ZFHX3: variants seen among roughly 807,000 people sequenced by gnomAD.
ZFHX3 encodes the protein zinc finger homeobox protein 3.
A neutral mutation model predicts 279.1 loss-of-function variants in ZFHX3; 42 were observed. That is an observed-to-expected ratio of 0.15 (90% CI 0.12 to 0.19). The LOEUF (loss-of-function observed/expected upper bound fraction) is 0.19, where lower values mean the gene tolerates loss of function less well. Among genes scored for constraint, ZFHX3 ranks in the 10% least tolerant of loss-of-function variants. The pLI is 1.00. For missense variants in ZFHX3, 4,981 were observed against 4,754.0 expected, an observed-to-expected ratio of 1.05 and a Z score of -1.40; for synonymous variants, 2,293 against 1,957.8, an observed-to-expected ratio of 1.17 and a Z score of -4.52.
chr16:73,812,902 T>C (rs1960463240), intron 1 of ZFHX3, among the ~76,000 whole-genome samples: 1 of 152,206 alleles, frequency 6.6e-6, no homozygotes, highest in South Asian at 2.1e-4. Flanking sequence ...TAACTCAATT[T>C]ATAAAGCAGA....
chr16:72,957,277 G>C (rs1184014512), intron 2 of ZFHX3, 150 bp downstream of exon 2: 2 of 881,896 alleles, frequency 2.3e-6, no homozygotes, highest in East Asian at 4.9e-5. Flanking sequence ...GGATTCTTGA[G>C]AATACTTGAT....
At chr16:73,599,480 G>C (rs2052088447) in intron 2 of ZFHX3, among the ~76,000 whole-genome samples, 1 of 152,186 alleles carries the variant, frequency 6.6e-6, no homozygotes, top group Non-Finnish European at 1.5e-5. Context: ...GCAGAAGTGG[G>C]GCCCTTCTGG....
intron 1 of ZFHX3, among the ~76,000 whole-genome samples, chr16:73,727,408 A>G (rs1429604169): frequency 6.6e-6 from 1 of 152,202 alleles, no homozygotes; most frequent in Non-Finnish European, 1.5e-5. Flanking sequence ...ACCTTCCATG[A>G]AAGGGTGCTC....
chr16:73,275,461 G>T (rs2014270272), intron 4 of ZFHX3, among the ~76,000 whole-genome samples: 1 of 152,088 alleles, frequency 6.6e-6, no homozygotes. Context: ...TTTCACTAGG[G>T]GGTCTTTTGG....
intron 5 of ZFHX3, among the ~76,000 whole-genome samples, chr16:73,229,153 A>G (rs1316160362): frequency 6.6e-6 from 1 of 152,132 alleles, no homozygotes; most frequent in African/African-American, 2.4e-5. Flanking sequence ...TTGGGAAGTG[A>G]TTCTCTGGAA....
intron 5 of ZFHX3, among the ~76,000 whole-genome samples, chr16:73,247,121 C>T (rs375250977): frequency 1.3e-5 from 2 of 150,788 alleles, no homozygotes; most frequent in African/African-American, 2.4e-5. Context: ...TGTCTATGTG[C>T]CTGTATGTGG....
intron 1 of ZFHX3, among the ~76,000 whole-genome samples, chr16:73,860,033 A>G (rs1012444369): frequency 1.3e-5 from 2 of 152,198 alleles, no homozygotes; most frequent in Non-Finnish European, 2.9e-5. Flanking sequence ...TGAAGGTCAC[A>G]GCAACTTTTC....
chr16:73,255,989 A>G (rs2013652084), intron 5 of ZFHX3, among the ~76,000 whole-genome samples: 2 of 152,184 alleles, frequency 1.3e-5, no homozygotes, highest in Admixed American at 6.5e-5. Flanking sequence ...GTCATTTCAC[A>G]GTGATGACAC....
chr16:73,017,056 T>C (rs756972820), intron 1 of ZFHX3, among the ~76,000 whole-genome samples: 1 of 151,812 alleles, frequency 6.6e-6, no homozygotes, highest in Non-Finnish European at 1.5e-5. Context: ...CAAGACCTCA[T>C]CTCTACAAAA....
chr16:73,291,474 G>A (rs188864564), intron 4 of ZFHX3, among the ~76,000 whole-genome samples: 5 of 152,352 alleles, frequency 3.3e-5, no homozygotes, highest in Admixed American at 3.3e-4. Context: ...GAAGGATCAT[G>A]TAAATCCCAC....
intron 5 of ZFHX3, among the ~76,000 whole-genome samples, chr16:73,174,758 C>T (rs1229147326): frequency 2.0e-5 from 3 of 151,566 alleles, no homozygotes; most frequent in African/African-American, 7.3e-5. Flanking sequence ...TGGCTTATGC[C>T]TATAATCCTA....
At chr16:72,896,761 T>C (rs1243276951) in intron 3 of ZFHX3, among the ~76,000 whole-genome samples, 2 of 152,190 alleles carry the variant, frequency 1.3e-5, no homozygotes, top group Non-Finnish European at 2.9e-5. Context: ...TCCCCAACGA[T>C]AGGAAACTTC....
rs556465049 is a variant in ZFHX3, at chr16:73,651,803, G to A, written c.-1547+28377C>T. ...CCGGAAGGCAGAGCGAGCAGTGAGC[G>A]CAGATCACGCCACTGCACTCCAGCC... On this transcript the variant is annotated intron_variant, in intron 2 of 17. Transcript: ENST00000641206. 9.6e-5 allele frequency among the ~76,000 whole-genome samples: 14 copies of A among 146,532 alleles called. No individual in the cohort carries two copies. In the East Asian group the frequency reaches 1.6e-3, roughly 17 times the overall value.
At chr16:73,173,002 TTTTTTG>T (rs1567409585) in intron 5 of ZFHX3, among the ~76,000 whole-genome samples, 1,527 of 60,704 alleles carry the variant, frequency 0.025, 139 homozygotes, top group East Asian at 0.036. Flanking sequence ...TTTTGTTTTT[TTTTTTG>T]TTTTTTTTTT....
chr16:73,364,177 A>C (rs1009866899), intron 3 of ZFHX3, among the ~76,000 whole-genome samples: 3 of 10,492 alleles, frequency 2.9e-4, no homozygotes, highest in East Asian at 1.8e-3. Flanking sequence ...CCCTGTTTCA[A>C]AAAAAAAAAA....
chr16:72,946,253 T>C (rs891230149), intron 3 of ZFHX3, among the ~76,000 whole-genome samples: 4 of 152,202 alleles, frequency 2.6e-5, no homozygotes, highest in African/African-American at 9.6e-5. Flanking sequence ...CAGAGTTGGC[T>C]TGGACACTGG....
intron 3 of ZFHX3, among the ~76,000 whole-genome samples, chr16:73,448,684 A>AAGAGTGTG (rs1567487516): frequency 3.0e-5 from 2 of 66,798 alleles, no homozygotes; most frequent in African/African-American, 7.8e-5. Flanking sequence ...ATATTTATAT[A>AAGAGTGTG]CGTGTGTGTG....
chr16:72,850,508 C>T (rs550625041), intron 4 of ZFHX3, among the ~76,000 whole-genome samples: 22 of 152,270 alleles, frequency 1.4e-4, no homozygotes, highest in African/African-American at 2.9e-4. Context: ...CTCTGGGCAG[C>T]GAGAAGTTTT....
intron 2 of ZFHX3, among the ~76,000 whole-genome samples, chr16:73,489,220 T>G (rs1476102554): frequency 6.6e-6 from 1 of 152,174 alleles, no homozygotes; most frequent in Non-Finnish European, 1.5e-5. Flanking sequence ...ATCCTATACT[T>G]TCCTTATGTT....
Sources: allele counts gnomAD v4.1 joint callset (sites outside exome capture counted in the v4.1 genomes callset), GRCh38; gene constraint gnomAD v4.1.1; transcripts MANE v1.5; gene names NCBI Gene and HGNC (gene_info 2026-07-23, HGNC 2026-07-21).